Variants in SYNE1 observed in about 807,000 individuals in gnomAD.
The protein encoded by SYNE1 is nesprin-1.
A neutral mutation model predicts 1,111.0 loss-of-function variants in SYNE1; 616 were observed. The observed-to-expected ratio is 0.55, with a 90% CI of 0.52 to 0.59. SYNE1 has a LOEUF of 0.59. Among genes scored for constraint, SYNE1 ranks in the 20% least tolerant of loss-of-function variants. SYNE1 has a pLI of 0.00. For missense variants in SYNE1, 10,006 were observed against 10,417.0 expected (o/e 0.96, Z 1.72); for synonymous variants, 3,855 against 3,825.8 (o/e 1.01, Z -0.28).
chr6:152,237,054 T>C (rs2084283652), intron 108 of SYNE1, 106 bp from the exon 109 acceptor site: 1 of 1,471,506 alleles, frequency 6.8e-7, no homozygotes. Flanking sequence ...TAAAGTTATA[T>C]CAGAGATGTT....
Position 152,548,575 on chromosome 6 carries a change from C to T in SYNE1, c.68-8554G>A, listed in dbSNP as rs73782884. 7.9e-3 allele frequency among the ~76,000 whole-genome samples: 1,202 copies of T among 152,284 alleles called. 19 individuals carry two copies. Among genetic ancestry groups the T allele is most frequent in the African/African-American group, 0.027 (1,139 of 41,556 alleles). On this transcript the variant is annotated intron_variant, in intron 3 of 145. Transcript: ENST00000367255. ...ATTGAGAGAAATTTCACCTGAGGAA[C>T]CTCATCTCTATCTGGACAAGATGCA...
intron 127 of SYNE1, among the ~76,000 whole-genome samples, chr6:152,198,094 G>A (rs920562011): frequency 1.3e-5 from 2 of 150,776 alleles, no homozygotes; most frequent in African/African-American, 4.9e-5. Context: ...GGAAGGAAGG[G>A]AGGGAGGGAG....
At position 152,331,610 on chromosome 6, in the gene SYNE1, A is replaced by G. The variant is rs776951481; in HGVS notation, c.13075T>C (p.Trp4359Arg). The change falls in exon 78 of 146, where the codon TGG becomes CGG. Residue 4359 changes from tryptophan to arginine, a missense_variant. Trp to Arg is a moderately radical substitution (Grantham distance 101). Coordinates refer to ENST00000367255, the MANE Select transcript of SYNE1 (RefSeq NM_182961.4). Reference protein sequence around the residue: ...VQSRFQELMEWAEEQQPNIAE... With the variant: ...VQSRFQELMERAEEQQPNIAE... The stretch of plus-strand genomic sequence containing the variant: ...ATGTTGGGTTGTTGCTCTTCTGCCC[A>G]CTCCATTAGCTCCTGAAATCTGGAC... The G allele has an allele frequency of 6.2e-7, 1 of 1,613,946 alleles. No homozygotes were observed. Among genetic ancestry groups the G allele is most frequent in the East Asian group, 2.2e-5 (1 of 44,868 alleles).
chr6:152,491,409 T>C (rs2098969709), intron 11 of SYNE1, among the ~76,000 whole-genome samples: 1 of 152,136 alleles, frequency 6.6e-6, no homozygotes, highest in Admixed American at 6.5e-5. Flanking sequence ...TCTCTACCTT[T>C]CTCTTTAAAC....
rs886043024 is a variant in SYNE1, at chr6:152,293,603, C to G, written c.17997G>C (p.Gln5999His). Residue 5999 changes from glutamine (Q) to histidine (H), a missense_variant, in exon 95 of 146, where the codon CAG becomes CAC. This residue lies in a region of SYNE1 where 4,955 missense variants were observed against 5,017.2 expected (regional missense o/e 0.99). Transcript: ENST00000367255. Reference protein sequence around the residue: ...SPEPGRSPESQMAEHQALMDE... With the variant: ...SPEPGRSPESHMAEHQALMDE... ...CTATTTGTACCTGATGTTCAGCCAT[C>G]TGGCTTTCTGGACTCCTGCCAGGCT... 2 of 1,614,014 alleles carry G rather than the reference C, an allele frequency of 1.2e-6. No individual in the cohort carries two copies. Among genetic ancestry groups the G allele is most frequent in the African/African-American group, 1.3e-5 (1 of 74,934 alleles).
chr6:152,302,344 C>G (rs993285469), intron 91 of SYNE1: 1 of 523,594 alleles, frequency 1.9e-6, no homozygotes, highest in African/African-American at 1.9e-5. Flanking sequence ...TTTCTAATCG[C>G]GAGAGGCCCC....
In SYNE1 at chr6:152,428,292, G is replaced by C. The variant is rs566004273; in HGVS notation, c.4889C>G (p.Ala1630Gly). ...GTCCTCGTATTGCTGCTGTAGAGCCGCAGCCTCCTGAACACAGGAATCTCT... is the reference window on the plus strand; with the variant it reads ...GTCCTCGTATTGCTGCTGTAGAGCCCCAGCCTCCTGAACACAGGAATCTCT... Reference protein sequence around the residue: ...VNRDSCVQEAAALQQQYEDIL... With the variant: ...VNRDSCVQEAGALQQQYEDIL... The change falls in exon 37 of 146, where the codon GCG becomes GGG. Residue 1630 changes from alanine to glycine, a missense_variant. Physicochemically the swap from Ala to Gly is moderately conservative, Grantham distance 60. Coordinates refer to ENST00000367255, the MANE Select transcript of SYNE1 (RefSeq NM_182961.4). The C allele has an allele frequency of 5.6e-6, 9 of 1,614,060 alleles. No individual in the cohort carries two copies. In the Middle Eastern group the frequency reaches 1.2e-3, roughly 207 times the overall value.
chr6:152,323,381 G>C (rs1029201014), intron 82 of SYNE1, 97 bp downstream of exon 82: 10 of 1,555,560 alleles, frequency 6.4e-6, no homozygotes, highest in Non-Finnish European at 8.7e-6. Flanking sequence ...GGAGCTTGCA[G>C]TGAGCCGAGA....
At chr6:152,467,429 A>T (rs556459156) in intron 16 of SYNE1, among the ~76,000 whole-genome samples, 22 of 152,244 alleles carry the variant, frequency 1.4e-4, no homozygotes, top group Non-Finnish European at 2.6e-4. Flanking sequence ...AATGTTCAAG[A>T]TACTGCGTAA....
rs1480247904 is a variant in SYNE1, at chr6:152,148,182, G to C, written c.24839C>G (p.Ser8280Cys). Residue 8280 changes from serine (S) to cysteine (C), a missense_variant, in exon 137 of 146, where the codon TCC (serine) becomes TGC (cysteine). Around this residue, in one of 7 missense-constraint regions of SYNE1, gnomAD observed 761 missense variants for 795.5 expected, o/e 0.96. Transcript: ENST00000367255. This position sits in a 1 kb window ranked among gnomAD's most constrained non-coding sequence, Gnocchi z 4.1. ...GTCGTGATCCCACTCCAGGGGGATG[G>C]AGTCCACACTAGCCGGGGTGTCTCG... ...SGRDTPASVD[S>C]IPLEWDHDYD... 3 of 1,614,070 alleles carry C rather than the reference G, an allele frequency of 1.9e-6. No individual in the cohort carries two copies. In the Admixed American group the frequency reaches 5.0e-5, roughly 27 times the overall value.
At chr6:152,402,744 TGAGA>T (rs1440939058) in intron 46 of SYNE1, 1 of 148,024 alleles carries the variant, frequency 6.8e-6, no homozygotes, top group Non-Finnish European at 1.5e-5. Context: ...TGTGTGTGTG[TGAGA>T]GAGAGAAAGA....
intron 4 of SYNE1, among the ~76,000 whole-genome samples, chr6:152,537,392 G>GT (rs1210127978): frequency 1.4e-4 from 21 of 151,514 alleles, no homozygotes; most frequent in African/African-American, 4.4e-4. Flanking sequence ...AAATCCTTAG[G>GT]TTTTTTTCTT....
At chr6:152,360,874 T>G (rs2096919746) in intron 64 of SYNE1, among the ~76,000 whole-genome samples, 1 of 152,216 alleles carries the variant, frequency 6.6e-6, no homozygotes. Flanking sequence ...TAAATAACTT[T>G]TATTCAGCGT....
intron 104 of SYNE1, 36 bp from the exon 105 acceptor site, chr6:152,249,298 T>TTTG: frequency 8.8e-7 from 1 of 1,133,592 alleles, no homozygotes; most frequent in Non-Finnish European, 1.3e-6. Flanking sequence ...TCAAAATGTG[T>TTTG]AACAGGGAAT....
rs201427138 is a variant in SYNE1 at position 152,325,163 on chromosome 6, G to T, written c.15578C>A (p.Thr5193Lys). Residue 5193 changes from threonine (T) to lysine (K), a missense_variant, in exon 81 of 146, where the codon ACA becomes AAA. By Grantham distance (78) the Thr-to-Lys change is moderately conservative. Coordinates refer to ENST00000367255, the MANE Select transcript of SYNE1 (RefSeq NM_182961.4). ...GTCCTGGGCCACAGCTCGAAGGCGT[G>T]TCCAGCGCTGCCAGACGGTGGTCAT... ...RSMTTVWQRWTRLRAVAQDQE... is the reference protein window; with the variant it reads ...RSMTTVWQRWKRLRAVAQDQE... The T allele has an allele frequency of 9.9e-6, 16 of 1,614,126 alleles. No homozygotes were observed.
chr6:152,482,811 T>C (rs2098915358), intron 14 of SYNE1, among the ~76,000 whole-genome samples: 1 of 151,792 alleles, frequency 6.6e-6, no homozygotes, highest in African/African-American at 2.4e-5. Flanking sequence ...TTTTGAAAAA[T>C]AATATATAAC....
intron 117 of SYNE1, among the ~76,000 whole-genome samples, chr6:152,221,866 G>A (rs2080256473): frequency 6.6e-6 from 1 of 152,154 alleles, no homozygotes; most frequent in Admixed American, 6.5e-5. Context: ...GCCAGAGATG[G>A]TAAATTCCTC....
At chr6:152,480,107 T>C (rs1271501612) in intron 14 of SYNE1, among the ~76,000 whole-genome samples, 1 of 152,246 alleles carries the variant, frequency 6.6e-6, no homozygotes, top group East Asian at 1.9e-4. Context: ...TCCTAAATTG[T>C]GATTTTCCCA....
chr6:152,183,539 T>C (rs984216175), intron 128 of SYNE1, among the ~76,000 whole-genome samples: 1 of 151,752 alleles, frequency 6.6e-6, no homozygotes, highest in African/African-American at 2.4e-5. Flanking sequence ...AGGCGGAAGA[T>C]GCAGTGAGCC....
Sources: gnomAD v4.1 joint callset for allele counts (sites outside exome capture counted in the v4.1 genomes callset) on GRCh38, gnomAD v4.1.1 for gene constraint, gnomAD v4.1.1 regional missense constraint, Gnocchi (gnomAD v3.1) non-coding constraint, MANE v1.5 for transcripts, NCBI Gene and HGNC (gene_info 2026-07-23, HGNC 2026-07-21) for gene names.